Variants in PMVK observed in about 807,000 individuals in gnomAD.
PMVK encodes the protein testis tissue sperm-binding protein Li 95mP.
In PMVK, 10 loss-of-function variants were observed where a neutral mutation model predicts 19.0. That is an observed-to-expected ratio of 0.53 (90% confidence interval 0.32 to 0.89). The LOEUF (loss-of-function observed/expected upper bound fraction) is 0.89, where lower values mean the gene tolerates loss of function less well. Ranked by LOEUF, PMVK falls within the 40% of genes least tolerant of loss-of-function variation. The pLI is 0.03. For synonymous variants in PMVK, 108 were observed against 101.6 expected, an observed-to-expected ratio of 1.06 and a Z score of -0.38; for missense variants, 222 against 251.1, an observed-to-expected ratio of 0.88 and a Z score of 0.78.
At position 154,925,049 on chromosome 1, in the gene PMVK, G is replaced by T; in HGVS notation, c.*80C>A. ...CCTGTCTGTTCCTCACCTCGGCCAG[G>T]ATCGGGGGACACCCCCATTTTGCAG... On this transcript the variant is annotated 3_prime_UTR_variant, in exon 5 of 5. Coordinates refer to ENST00000368467, the MANE Select transcript of PMVK (RefSeq NM_006556.4). The T allele has an allele frequency of 1.5e-6, 2 of 1,328,154 alleles. No homozygotes were observed. Among genetic ancestry groups the T allele is most frequent in the Non-Finnish European group, 2.1e-6 (2 of 974,686 alleles). The allele number at this position is 1,328,154 out of a possible 1,614,324, so 82.3% of individuals were successfully genotyped here.
At chr1:154,940,263 C>CTGTCCCTTTGATTTTGAA (rs1654615006), upstream of PMVK, among the ~76,000 whole-genome samples, 1 of 152,236 alleles carries the variant, frequency 6.6e-6, no homozygotes, top group Admixed American at 6.5e-5. Flanking sequence ...GCCAGATGAC[C>CTGTCCCTTTGATTTTGAA]TGTCCCTTTG....
rs1160245924 is a variant in PMVK, at chr1:154,925,092, C to T, written c.*37G>A. On this transcript the variant is annotated 3_prime_UTR_variant, in exon 5 of 5. Coordinates refer to ENST00000368467, the MANE Select transcript of PMVK (RefSeq NM_006556.4). The stretch of plus-strand genomic sequence containing the variant: ...TTTTGCAGAGTCAGCCCCACCCCCA[C>T]CTCAGCAGGCCCCAGCTCACTCCTA... 1.3e-6 allele frequency: 2 copies of T among 1,509,878 alleles called. No homozygotes were observed. The highest frequency in any genetic ancestry group is 2.5e-5 in the East Asian group (1 of 40,656). 93.5% of individuals were successfully genotyped at this position (1,509,878 alleles called of 1,614,324 possible).
At chr1:154,941,546 GA>G (rs1265290937), upstream of PMVK, among the ~76,000 whole-genome samples, 3 of 152,192 alleles carry the variant, frequency 2.0e-5, no homozygotes, top group Non-Finnish European at 4.4e-5. Context: ...GCAGGATGAG[GA>G]GACATTCCTG....
upstream of PMVK, among the ~76,000 whole-genome samples, chr1:154,939,935 T>C (rs1378848360): frequency 3.2e-5 from 1 of 31,310 alleles, no homozygotes; most frequent in African/African-American, 2.0e-4. Context: ...GAGTTAAACT[T>C]TTTTTTTTTT....
At chr1:154,930,165 A>C (rs1558030804) in intron 2 of PMVK, among the ~76,000 whole-genome samples, 1 of 152,240 alleles carries the variant, frequency 6.6e-6, no homozygotes, top group Non-Finnish European at 1.5e-5. Flanking sequence ...TGGAGCTTTT[A>C]AAAATGCAAA....
At chr1:154,931,551 G>A (rs1163321584) in intron 2 of PMVK, among the ~76,000 whole-genome samples, 1 of 152,052 alleles carries the variant, frequency 6.6e-6, no homozygotes. Flanking sequence ...CCAATGGTAC[G>A]GTTTCTAACC....
At chr1:154,939,394 A>T (rs1010730604), upstream of PMVK, among the ~76,000 whole-genome samples, 2 of 152,134 alleles carry the variant, frequency 1.3e-5, no homozygotes, top group Non-Finnish European at 2.9e-5. Context: ...AGGGGAAAAA[A>T]GTTAAATGTG....
intron 1 of PMVK, among the ~76,000 whole-genome samples, chr1:154,933,738 C>T (rs1034916912): frequency 2.2e-4 from 33 of 151,788 alleles, no homozygotes; most frequent in African/African-American, 7.7e-4. Flanking sequence ...GTGATCCGCC[C>T]GCCTCAGCCT....
chr1:154,926,646 T>C (rs1360507875), intron 3 of PMVK, among the ~76,000 whole-genome samples, 163 bp from the exon 4 acceptor site: 1 of 152,212 alleles, frequency 6.6e-6, no homozygotes, highest in African/African-American at 2.4e-5. Flanking sequence ...CATTCATTCA[T>C]TGAACATACA....
chr1:154,925,558 A>G (rs1432167919), intron 4 of PMVK, among the ~76,000 whole-genome samples: 1 of 152,210 alleles, frequency 6.6e-6, no homozygotes, highest in Non-Finnish European at 1.5e-5. Flanking sequence ...CCAAAAGGGC[A>G]CTGTGTTTTC....
chr1:154,927,320 T>TG (rs1305755190), intron 3 of PMVK, among the ~76,000 whole-genome samples: 1 of 151,840 alleles, frequency 6.6e-6, no homozygotes, highest in Non-Finnish European at 1.5e-5. Flanking sequence ...TGATGGCACA[T>TG]GCCTGTAATC....
chr1:154,932,200 C>T (rs1654356656), intron 2 of PMVK, 152 bp downstream of exon 2: 3 of 670,054 alleles, frequency 4.5e-6, no homozygotes, highest in African/African-American at 1.8e-5. Context: ...AAAATGCCCC[C>T]GAAAGGTCCA....
In PMVK at chr1:154,925,025, C is replaced by G. The variant is rs1571375673; in HGVS notation, c.*104G>C. 1 of 1,066,458 alleles carries G rather than the reference C, an allele frequency of 9.4e-7. No individual in the cohort carries two copies. Among genetic ancestry groups the G allele is most frequent in the South Asian group, 1.5e-5 (1 of 66,602 alleles). 66.1% of individuals were successfully genotyped at this position (1,066,458 alleles called of 1,614,324 possible). A position where few individuals can be genotyped will look rare whatever the true frequency, so the allele number is the denominator to read the frequency against. ...AACCCCCTCAGAATCTAGACCCCCC[C>G]TGTCTGTTCCTCACCTCGGCCAGGA... On this transcript the variant is annotated 3_prime_UTR_variant, in exon 5 of 5. Coordinates refer to ENST00000368467, the MANE Select transcript of PMVK (RefSeq NM_006556.4).
upstream of PMVK, among the ~76,000 whole-genome samples, chr1:154,940,931 T>A (rs183794048): frequency 3.3e-5 from 5 of 152,304 alleles, no homozygotes; most frequent in Admixed American, 2.0e-4. Flanking sequence ...TCTGTTTCAG[T>A]GCCCTTTAGC....
upstream of PMVK, among the ~76,000 whole-genome samples, chr1:154,941,631 C>T (rs549057329): frequency 9.2e-5 from 14 of 152,330 alleles, no homozygotes; most frequent in African/African-American, 2.4e-4. Context: ...CCCAGCCGGA[C>T]GAGGCTGGGA....
intron 3 of PMVK, among the ~76,000 whole-genome samples, chr1:154,927,469 A>AC (rs1654201186): frequency 6.7e-6 from 1 of 150,272 alleles, no homozygotes; most frequent in South Asian, 2.1e-4. Flanking sequence ...AAAAAAAAAA[A>AC]AAAAAAACAC....
Position 154,929,189 on chromosome 1 carries a change from C to T in PMVK, c.160-13G>A. On this transcript the variant is annotated splice_polypyrimidine_tract_variant and intron_variant, in intron 2 of 4. Coordinates refer to ENST00000368467, the MANE Select transcript of PMVK (RefSeq NM_006556.4). ...TCAAGCCATGCTCCTGCCCAAAGGA[C>T]ATTATGTCTACGTCACCGGCCTTTC... 1 of 1,613,742 alleles carries T rather than the reference C, an allele frequency of 6.2e-7. No individual in the cohort carries two copies. Among genetic ancestry groups the T allele is most frequent in the South Asian group, 1.1e-5 (1 of 91,080 alleles).
At chr1:154,930,922 C>T (rs774533260) in intron 2 of PMVK, among the ~76,000 whole-genome samples, 5 of 151,130 alleles carry the variant, frequency 3.3e-5, no homozygotes, top group Non-Finnish European at 5.9e-5. Flanking sequence ...CCCATCTCTA[C>T]AAAAAAAAAT....
upstream of PMVK, chr1:154,937,763 C>T (rs1654556401): frequency 6.6e-6 from 1 of 152,160 alleles, no homozygotes; most frequent in African/African-American, 2.4e-5. Context: ...CCATTAATTT[C>T]CTGAATGTTG....
Sources: allele counts gnomAD v4.1 joint callset (sites outside exome capture counted in the v4.1 genomes callset), GRCh38; gene constraint gnomAD v4.1.1; transcripts MANE v1.5; gene names NCBI Gene and HGNC (gene_info 2026-07-23, HGNC 2026-07-21).